Variants in DLG2 observed in about 807,000 individuals in gnomAD.
DLG2 encodes the protein discs large MAGUK scaffold protein 2, also known as disks large homolog 2.
In DLG2, 45 loss-of-function variants were observed where a neutral mutation model predicts 132.5. The ratio of observed to expected loss-of-function variants is 0.34; its 90% confidence interval spans 0.27 to 0.44. The LOEUF (loss-of-function observed/expected upper bound fraction) is 0.44. DLG2 is among the 20% of genes least tolerant of loss of function. The pLI, the probability that DLG2 is intolerant of heterozygous loss-of-function variation, is 1.00. For missense variants in DLG2, 1,045 were observed against 1,196.9 expected, an observed-to-expected ratio of 0.87 and a Z score of 1.87; for synonymous variants, 424 against 419.6, an observed-to-expected ratio of 1.01 and a Z score of -0.13.
chr11:84,164,832 G>A (rs2095625480), intron 8 of DLG2, among the ~76,000 whole-genome samples: 1 of 152,140 alleles, frequency 6.6e-6, no homozygotes, highest in South Asian at 2.1e-4. Flanking sequence ...TGAGCTAATT[G>A]GTGAATCACA....
intron 6 of DLG2, among the ~76,000 whole-genome samples, chr11:84,983,600 C>T (rs1180144786): frequency 2.0e-5 from 3 of 152,136 alleles, no homozygotes; most frequent in South Asian, 4.1e-4. Flanking sequence ...TTAACACTCC[C>T]CAAAAAATCA....
chr11:84,126,559 A>T (rs1184540575), intron 9 of DLG2, among the ~76,000 whole-genome samples: 1 of 152,222 alleles, frequency 6.6e-6, no homozygotes, highest in African/African-American at 2.4e-5. Context: ...AATAAGAAAA[A>T]ATGTAAACAT....
rs184554283 is a variant in DLG2, at chr11:84,414,715, A to C, written c.519+119855T>G. The stretch of plus-strand genomic sequence containing the variant: ...AAAGCAGTCCTAATATTATGCGACT[A>C]TTTACAAACAATCTCCCAACTCAGG... On this transcript the variant is annotated intron_variant, in intron 7 of 27. Transcript: ENST00000376104. Among the ~76,000 whole-genome samples the C allele has an allele frequency of 2.4e-3, 363 of 152,302 alleles. 1 individual carries two copies. The highest frequency in any genetic ancestry group is 7.6e-3 in the Admixed American group (116 of 15,276).
At chr11:84,965,023 G>A (rs554811646) in intron 6 of DLG2, among the ~76,000 whole-genome samples, 14 of 152,136 alleles carry the variant, frequency 9.2e-5, no homozygotes, top group South Asian at 4.1e-4. Flanking sequence ...AAACTTTGCC[G>A]TGTATATTTT....
chr11:84,332,205 T>C (rs2098463152), intron 7 of DLG2, among the ~76,000 whole-genome samples: 1 of 90,692 alleles, frequency 1.1e-5, no homozygotes, highest in Admixed American at 9.5e-5. Flanking sequence ...TTGCTTGTCC[T>C]TTTTTTTTTT....
chr11:84,286,953 C>T (rs766880796), intron 7 of DLG2, among the ~76,000 whole-genome samples: 15 of 152,240 alleles, frequency 9.9e-5, no homozygotes, highest in African/African-American at 2.6e-4. Context: ...CTAACTTCAA[C>T]GCTTTTTAAA....
rs577639373 is a variant in DLG2, at chr11:84,926,034, T to C, written c.357+185627A>G. ...TGACAAACAACAAACTGGGAAACTA[T>C]TTACAACACATTCCATTGGGAATTG... On this transcript the variant is annotated intron_variant, in intron 6 of 27. Coordinates refer to ENST00000376104, the MANE Select transcript of DLG2 (RefSeq NM_001142699.3). Among the ~76,000 whole-genome samples the C allele has an allele frequency of 9.2e-5, 14 of 152,220 alleles. 1 individual carries two copies. The South Asian group carries it at 2.9e-3, about 32-fold the overall frequency.
intron 8 of DLG2, among the ~76,000 whole-genome samples, chr11:84,186,095 T>A (rs1596974158): frequency 6.6e-6 from 1 of 152,202 alleles, no homozygotes. Context: ...TCTAAGATTT[T>A]ATCTTTGCCT....
chr11:84,209,830 G>T (rs2096727842), intron 8 of DLG2, among the ~76,000 whole-genome samples: 1 of 152,172 alleles, frequency 6.6e-6, no homozygotes, highest in African/African-American at 2.4e-5. Flanking sequence ...AGGATACAGA[G>T]GAACTGGCTC....
At chr11:85,503,321 AAT>A (rs2093848592) in intron 3 of DLG2, among the ~76,000 whole-genome samples, 1 of 152,018 alleles carries the variant, frequency 6.6e-6, no homozygotes, top group Admixed American at 6.6e-5. Flanking sequence ...TTCTAATGAC[AAT>A]ATATATTTAG....
chr11:84,957,439 T>C (rs764987518), intron 6 of DLG2, among the ~76,000 whole-genome samples: 19 of 152,234 alleles, frequency 1.2e-4, no homozygotes, highest in Non-Finnish European at 2.2e-4. Flanking sequence ...AAGAACACTT[T>C]AATGGTTCAG....
chr11:85,122,175 A>C (rs1396447630), intron 5 of DLG2, among the ~76,000 whole-genome samples: 1 of 152,222 alleles, frequency 6.6e-6, no homozygotes, highest in Non-Finnish European at 1.5e-5. Flanking sequence ...TCTAGCAAGA[A>C]ATAGGCACAT....
intron 11 of DLG2, among the ~76,000 whole-genome samples, chr11:84,033,293 G>C (rs1383730922): frequency 6.6e-6 from 1 of 152,150 alleles, no homozygotes; most frequent in Non-Finnish European, 1.5e-5. Flanking sequence ...AACAAAAACA[G>C]GAGTTTGAAA....
intron 18 of DLG2, 41 bp from the exon 19 acceptor site, chr11:83,633,366 C>A (rs1443951884): frequency 1.3e-6 from 2 of 1,560,938 alleles, no homozygotes; most frequent in Middle Eastern, 1.7e-4. Context: ...GCTCTGTGCC[C>A]TCAAGAGTTG....
intron 4 of DLG2, among the ~76,000 whole-genome samples, chr11:85,281,411 C>T (rs1046388255): frequency 2.0e-5 from 3 of 151,964 alleles, no homozygotes; most frequent in Non-Finnish European, 2.9e-5. Flanking sequence ...CATTGTTCTT[C>T]CTATCAACCT....
At position 84,556,070 on chromosome 11, in the gene DLG2, T is replaced by C. The variant is rs201753326; in HGVS notation, c.358-21339A>G. The stretch of plus-strand genomic sequence containing the variant: ...ACCCACACAACATTCCAAATGTCCA[T>C]GTCTTTTATTCTTTCAACCCTCCAA... On this transcript the variant is annotated intron_variant, in intron 6 of 27. Transcript: ENST00000376104. Among the ~76,000 whole-genome samples, 8 of 152,290 alleles carry C rather than the reference T, an allele frequency of 5.3e-5. No individual in the cohort carries two copies. The East Asian group carries it at 1.5e-3, about 29-fold the overall frequency.
chr11:84,892,523 TTA>T (rs957633121), intron 6 of DLG2, among the ~76,000 whole-genome samples: 20 of 152,086 alleles, frequency 1.3e-4, no homozygotes, highest in Admixed American at 7.9e-4. Context: ...TTTTATTTAT[TTA>T]TATATGTTTT....
rs145430137 is a variant in DLG2 at position 84,206,818 on chromosome 11, CTTTG to C, written c.574-43311_574-43308del. ...TTTGGGGAATAATGCATAAAAATGA[CTTTG>C]TTTGCAGATGACACAACTTTATATG... On this transcript the variant is annotated intron_variant, in intron 8 of 27. Coordinates refer to ENST00000376104, the MANE Select transcript of DLG2 (RefSeq NM_001142699.3). Among the ~76,000 whole-genome samples, 428 of 151,990 alleles carry C rather than the reference CTTTG, an allele frequency of 2.8e-3. 2 individuals are homozygous for C. The highest frequency in any genetic ancestry group is 9.8e-3 in the African/African-American group (407 of 41,524).
At chr11:83,543,810 A>G (rs1386094119) in intron 19 of DLG2, among the ~76,000 whole-genome samples, 1 of 152,178 alleles carries the variant, frequency 6.6e-6, no homozygotes, top group Non-Finnish European at 1.5e-5. Flanking sequence ...CTGTGCAAAA[A>G]GGAGTTAATG....
Sources: allele counts gnomAD v4.1 joint callset (sites outside exome capture counted in the v4.1 genomes callset), GRCh38; gene constraint gnomAD v4.1.1; transcripts MANE v1.5; gene names NCBI Gene and HGNC (gene_info 2026-07-23, HGNC 2026-07-21).